The following RAB30 variants were observed in gnomAD, a reference collection of about 807,000 sequenced individuals.
RAB30 encodes ras-related protein Rab-30.
In RAB30, 9 loss-of-function variants were observed where a neutral mutation model predicts 25.1. The ratio of observed to expected loss-of-function variants is 0.36; its 90% CI spans 0.22 to 0.63. The LOEUF is 0.63. Ranked by LOEUF, RAB30 falls within the 20% of genes least tolerant of loss-of-function variation. The probability of loss-of-function intolerance (pLI) is 0.69; values close to 1 mark genes in which losing one functional copy is unlikely to be tolerated. For missense variants in RAB30, 140 were observed against 243.5 expected (o/e 0.58, Z 2.83); for synonymous variants, 77 against 86.4 (o/e 0.89, Z 0.60).
At chr11:83,065,736 G>T (rs190920682) in intron 1 of RAB30, among the ~76,000 whole-genome samples, 34 of 152,254 alleles carry the variant, frequency 2.2e-4, no homozygotes, top group African/African-American at 6.0e-4. Flanking sequence ...GATAAATAAT[G>T]TTAAAAACAG....
intron 1 of RAB30, among the ~76,000 whole-genome samples, chr11:83,000,891 C>T (rs1435860440): frequency 6.7e-6 from 1 of 149,496 alleles, no homozygotes; most frequent in Admixed American, 6.6e-5. Context: ...AAAAAAAATA[C>T]AAAAAATTAG....
At chr11:83,003,962 A>T (rs1857138286) in intron 1 of RAB30, among the ~76,000 whole-genome samples, 1 of 152,242 alleles carries the variant, frequency 6.6e-6, no homozygotes, top group Non-Finnish European at 1.5e-5. Flanking sequence ...TGTAGAGGAT[A>T]GCTTCACAGT....
chr11:83,000,012 T>TC, intron 1 of RAB30, among the ~76,000 whole-genome samples: 1 of 152,150 alleles, frequency 6.6e-6, no homozygotes, highest in Middle Eastern at 3.4e-3. Context: ...TCCTAACCCC[T>TC]CCCCATCATC....
chr11:83,028,547 G>C (rs1402571754), intron 1 of RAB30, among the ~76,000 whole-genome samples: 5 of 152,166 alleles, frequency 3.3e-5, no homozygotes. Flanking sequence ...AACTGTCAGA[G>C]AGGAGGGAAA....
chr11:83,022,133 GCTT>G (rs1286953439), intron 1 of RAB30, among the ~76,000 whole-genome samples: 2 of 151,316 alleles, frequency 1.3e-5, no homozygotes, highest in African/African-American at 4.9e-5. Flanking sequence ...CATCCAAAGA[GCTT>G]CTTCTTATTA....
intron 1 of RAB30, among the ~76,000 whole-genome samples, chr11:83,038,184 C>T (rs949601260): frequency 1.3e-5 from 2 of 152,074 alleles, no homozygotes; most frequent in Non-Finnish European, 2.9e-5. Context: ...TTAATCTAAC[C>T]TTCAGGACTG....
chr11:83,029,395 TTTA>T (rs559075318), intron 1 of RAB30, among the ~76,000 whole-genome samples: 7 of 151,094 alleles, frequency 4.6e-5, no homozygotes, highest in Admixed American at 1.3e-4. Flanking sequence ...GCTTAAATAT[TTTA>T]TTATTATTAT....
intron 1 of RAB30, chr11:83,035,593 C>T (rs1857969803): frequency 6.6e-6 from 1 of 152,274 alleles, no homozygotes; most frequent in African/African-American, 2.4e-5. Flanking sequence ...GTATTCTTAA[C>T]AGGAGACCAC....
At chr11:83,041,220 G>T in intron 1 of RAB30, 1 of 154,634 alleles carries the variant, frequency 6.5e-6, no homozygotes, top group South Asian at 2.0e-4. Context: ...CATCTGCATC[G>T]AACTTTGAAA....
At position 82,979,783 on chromosome 11, in the gene RAB30, G is replaced by A. The variant is rs1048540733; in HGVS notation, c.*2382C>T. ...TCTCATGTGTTCCTGCTGATGGGCT[G>A]TGGATGGGTAAGTTATGGAAAGGCT... On this transcript the variant is annotated 3_prime_UTR_variant, in exon 5 of 5. Coordinates refer to ENST00000527633, the MANE Select transcript of RAB30 (RefSeq NM_001286060.2). 1 of 152,250 alleles carries A rather than the reference G, an allele frequency of 6.6e-6. No homozygotes were observed. Among genetic ancestry groups the A allele is most frequent in the Non-Finnish European group, 1.5e-5 (1 of 68,070 alleles). The allele number at this position is 152,250 out of a possible 1,614,324, so 9.4% of individuals were successfully genotyped here.
intron 1 of RAB30, among the ~76,000 whole-genome samples, chr11:82,999,312 A>T (rs963621578): frequency 5.3e-5 from 8 of 152,242 alleles, no homozygotes; most frequent in Non-Finnish European, 1.0e-4. Flanking sequence ...TTCCAAAGGC[A>T]TATGGTATCA....
chr11:82,994,230 G>T, intron 2 of RAB30, 108 bp from the exon 3 acceptor site: 1 of 895,394 alleles, frequency 1.1e-6, no homozygotes, highest in Non-Finnish European at 1.8e-6. Context: ...CTTCAGCTGA[G>T]GTGACTGGTA....
At chr11:83,020,745 C>T (rs991377150) in intron 1 of RAB30, among the ~76,000 whole-genome samples, 8 of 152,216 alleles carry the variant, frequency 5.3e-5, no homozygotes, top group African/African-American at 7.2e-5. Context: ...AGTCAGACCA[C>T]GGAACAGAGG....
At chr11:83,005,180 AT>A (rs1857159981) in intron 1 of RAB30, among the ~76,000 whole-genome samples, 1 of 152,200 alleles carries the variant, frequency 6.6e-6, no homozygotes, top group African/African-American at 2.4e-5. Context: ...CTAATCATTC[AT>A]TCTGCAAGTG....
intron 1 of RAB30, among the ~76,000 whole-genome samples, chr11:83,001,258 T>C (rs1226283206): frequency 6.6e-6 from 1 of 152,138 alleles, no homozygotes; most frequent in East Asian, 1.9e-4. Context: ...TAGAGTGCAG[T>C]GGCGCGATCA....
rs1470979182 is a variant in RAB30 at position 82,981,860 on chromosome 11, T to A, written c.*305A>T. On this transcript the variant is annotated 3_prime_UTR_variant, in exon 5 of 5. Coordinates refer to ENST00000527633, the MANE Select transcript of RAB30 (RefSeq NM_001286060.2). Reference sequence around the variant, plus strand: ...CTACAGTACATTTCCCCCCGGACTCTGTTTAGGAATGCGCTTTTACTTGCT... The same window carrying A: ...CTACAGTACATTTCCCCCCGGACTCAGTTTAGGAATGCGCTTTTACTTGCT... 3 of 326,714 alleles carry A rather than the reference T, an allele frequency of 9.2e-6. No homozygotes were observed. Among genetic ancestry groups the A allele is most frequent in the African/African-American group, 6.3e-5 (3 of 47,454 alleles). The allele number at this position is 326,714 out of a possible 1,614,324, so 20.2% of individuals were successfully genotyped here. A position where few individuals can be genotyped will look rare whatever the true frequency, so the allele number is the denominator to read the frequency against.
At position 82,977,038 on chromosome 11, in the gene RAB30, T is replaced by A. The variant is rs1056680592; in HGVS notation, c.*5127A>T. 4 of 152,166 alleles carry A rather than the reference T, an allele frequency of 2.6e-5. No individual in the cohort carries two copies. Among genetic ancestry groups the A allele is most frequent in the African/African-American group, 4.8e-5 (2 of 41,432 alleles). The allele number at this position is 152,166 out of a possible 1,614,324, so 9.4% of individuals were successfully genotyped here. ...CCCACCAGCCCATCTCTCTTGGGAG[T>A]TGGTCTGTTTGTGAGAACTTTAACA... On this transcript the variant is annotated 3_prime_UTR_variant, in exon 5 of 5. Transcript: ENST00000527633.
At chr11:83,032,702 CATTA>C (rs1392801562) in intron 1 of RAB30, among the ~76,000 whole-genome samples, 1 of 152,056 alleles carries the variant, frequency 6.6e-6, no homozygotes, top group East Asian at 1.9e-4. Context: ...GTATGTTTCG[CATTA>C]ATTATTTTTA....
chr11:83,063,722 G>A (rs1314032576), intron 1 of RAB30, among the ~76,000 whole-genome samples: 1 of 152,166 alleles, frequency 6.6e-6, no homozygotes, highest in Non-Finnish European at 1.5e-5. Context: ...TCTCAACATT[G>A]CTGACAAGAA....
Sources: allele counts gnomAD v4.1 joint callset (sites outside exome capture counted in the v4.1 genomes callset), GRCh38; gene constraint gnomAD v4.1.1; transcripts MANE v1.5; gene names NCBI Gene and HGNC (gene_info 2026-07-23, HGNC 2026-07-21).